Variants in STARD13 observed in about 807,000 individuals in gnomAD.
The protein encoded by STARD13 is stAR-related lipid transfer protein 13.
Under a neutral mutation model 106.4 loss-of-function variants are expected in STARD13, and 62 were observed. The ratio of observed to expected loss-of-function variants is 0.58; its 90% CI spans 0.48 to 0.72. The LOEUF is 0.72. Among genes scored for constraint, STARD13 ranks in the 30% least tolerant of loss-of-function variants. The probability of loss-of-function intolerance (pLI) is 0.00; values close to 1 mark genes in which losing one functional copy is unlikely to be tolerated. For synonymous variants in STARD13, 565 were observed against 553.0 expected (o/e 1.02, Z -0.31); for missense variants, 1,387 against 1,424.0 (o/e 0.97, Z 0.42).
chr13:33,618,967 T>C, the STARD13 span, among the ~76,000 whole-genome samples: 1 of 152,058 alleles, frequency 6.6e-6, no homozygotes, highest in African/African-American at 2.4e-5. Context: ...CCAAGGGATA[T>C]ACCGTGCATT....
At chr13:33,612,526 T>C in the STARD13 span, among the ~76,000 whole-genome samples, 1 of 152,220 alleles carries the variant, frequency 6.6e-6, no homozygotes, top group African/African-American at 2.4e-5. Flanking sequence ...CCCTGCCTCA[T>C]CCACACCTTG....
At chr13:33,601,070 T>C in the STARD13 span, among the ~76,000 whole-genome samples, 1 of 152,236 alleles carries the variant, frequency 6.6e-6, no homozygotes, top group Non-Finnish European at 1.5e-5. Flanking sequence ...TGGTGTGTGA[T>C]GACACGTGCA....
chr13:33,393,187 T>C, the STARD13 span, among the ~76,000 whole-genome samples: 1 of 152,216 alleles, frequency 6.6e-6, no homozygotes, highest in Non-Finnish European at 1.5e-5. Context: ...TACTGCATAT[T>C]ATGAAGCATT....
At chr13:33,468,406 A>ACTCATG in the STARD13 span, among the ~76,000 whole-genome samples, 1 of 152,214 alleles carries the variant, frequency 6.6e-6, no homozygotes, top group African/African-American at 2.4e-5. Flanking sequence ...TGTCAGTCAG[A>ACTCATG]AACTCTACCT....
At chr13:33,343,944 T>C (rs2077991652), downstream of STARD13, among the ~76,000 whole-genome samples, 1 of 151,574 alleles carries the variant, frequency 6.6e-6, no homozygotes, top group Non-Finnish European at 1.5e-5. Context: ...ACGACTGATC[T>C]TTTTTTTTCT....
intron 1 of STARD13, among the ~76,000 whole-genome samples, chr13:33,182,721 C>CCCA (rs1885361625): frequency 6.6e-6 from 1 of 152,208 alleles, no homozygotes; most frequent in African/African-American, 2.4e-5. Flanking sequence ...TTGGTTTAGA[C>CCCA]TCTCATTTTG....
rs1429779208 is a variant in STARD13, at chr13:33,105,217, AG to A, written c.*375del. 1 of 167,674 alleles carries A rather than the reference AG, an allele frequency of 6.0e-6. No homozygotes were observed. Among genetic ancestry groups the A allele is most frequent in the African/African-American group, 2.4e-5 (1 of 41,918 alleles). 10.4% of individuals were successfully genotyped at this position (167,674 alleles called of 1,614,324 possible). A position where few individuals can be genotyped will look rare whatever the true frequency, so the allele number is the denominator to read the frequency against. On this transcript the variant is annotated 3_prime_UTR_variant, in exon 14 of 14. Coordinates refer to ENST00000336934, the MANE Select transcript of STARD13 (RefSeq NM_178006.4). ...TAAAATTGGTATTTTACATATATACAGTAAAGATGGAGATATACACACATAT... is the reference window on the plus strand; with the variant it reads ...TAAAATTGGTATTTTACATATATACATAAAGATGGAGATATACACACATAT...
chr13:33,128,767 A>G (rs1877643856), intron 5 of STARD13, among the ~76,000 whole-genome samples, 162 bp downstream of exon 5: 1 of 152,272 alleles, frequency 6.6e-6, no homozygotes, highest in African/African-American at 2.4e-5. Flanking sequence ...TGATACCTGT[A>G]CAGAAGTCAT....
chr13:33,298,152 T>TTTGTC (rs1892572734), intron 1 of STARD13, among the ~76,000 whole-genome samples: 1 of 119,406 alleles, frequency 8.4e-6, no homozygotes, highest in Non-Finnish European at 1.7e-5. Flanking sequence ...TTTTTTGAGA[T>TTTGTC]AGAGTCTCAC....
chr13:33,636,303 G>A, the STARD13 span, among the ~76,000 whole-genome samples: 4 of 152,110 alleles, frequency 2.6e-5, no homozygotes, highest in Admixed American at 2.6e-4. Context: ...AAGAACACAA[G>A]AAACATGATT....
At chr13:33,599,384 C>T in the STARD13 span, among the ~76,000 whole-genome samples, 1 of 152,190 alleles carries the variant, frequency 6.6e-6, no homozygotes, top group African/African-American at 2.4e-5. Context: ...AACACCATAA[C>T]AACAATCTTT....
At chr13:33,508,485 C>T in the STARD13 span, among the ~76,000 whole-genome samples, 2 of 152,150 alleles carry the variant, frequency 1.3e-5, no homozygotes, top group African/African-American at 2.4e-5. Context: ...TTTGGCCTTT[C>T]TAGTCAGAGA....
At chr13:33,492,183 A>G in the STARD13 span, among the ~76,000 whole-genome samples, 1 of 152,172 alleles carries the variant, frequency 6.6e-6, no homozygotes, top group African/African-American at 2.4e-5. Flanking sequence ...TTCTTCAGTT[A>G]CTTCAGGCCA....
chr13:33,146,282 C>T (rs1880531463), intron 3 of STARD13, among the ~76,000 whole-genome samples: 1 of 151,974 alleles, frequency 6.6e-6, no homozygotes, highest in South Asian at 2.1e-4. Context: ...CGAGATTGCA[C>T]CATTGCACCC....
Position 33,117,988 on chromosome 13 carries a change from A to G in STARD13, c.2281+77T>C, listed in dbSNP as rs1593873039. On this transcript the variant is annotated intron_variant, in intron 8 of 13. Coordinates refer to ENST00000336934, the MANE Select transcript of STARD13 (RefSeq NM_178006.4). ...TTGATGTATTATTCGTATAATTAAA[A>G]CTCAATCTATAGGGAATTATTTTCA... The G allele has an allele frequency of 1.9e-6, 3 of 1,593,822 alleles. No individual in the cohort carries two copies. The East Asian group carries it at 6.7e-5, about 36-fold the overall frequency.
the STARD13 span, among the ~76,000 whole-genome samples, chr13:33,406,534 G>A: frequency 6.6e-6 from 1 of 152,298 alleles, no homozygotes; most frequent in East Asian, 1.9e-4. Flanking sequence ...GTTTAAGGAT[G>A]CCTCGTTTAA....
chr13:33,232,425 T>G (rs886582807), intron 1 of STARD13, among the ~76,000 whole-genome samples: 7 of 152,246 alleles, frequency 4.6e-5, no homozygotes, highest in Non-Finnish European at 1.0e-4. Context: ...AATATTTTTA[T>G]CTGGGATTTG....
intron 1 of STARD13, among the ~76,000 whole-genome samples, chr13:33,293,971 A>G (rs537026982): frequency 5.3e-5 from 8 of 152,254 alleles, no homozygotes; most frequent in African/African-American, 1.9e-4. Context: ...CTTTCCCTCT[A>G]GAGAACCCTG....
the STARD13 span, among the ~76,000 whole-genome samples, chr13:33,613,503 G>C: frequency 1.1e-3 from 173 of 152,280 alleles, 2 homozygotes; most frequent in African/African-American, 3.7e-3. Context: ...GAAGAGATAG[G>C]GTTGCAACTG....
Sources: allele counts gnomAD v4.1 joint callset (sites outside exome capture counted in the v4.1 genomes callset), GRCh38; gene constraint gnomAD v4.1.1; transcripts MANE v1.5; gene names NCBI Gene and HGNC (gene_info 2026-07-23, HGNC 2026-07-21).